Variants in UNKL observed in about 807,000 individuals in gnomAD.
UNKL encodes unk like zinc finger, also known as putative E3 ubiquitin-protein ligase UNKL.
Under a neutral mutation model 78.0 loss-of-function variants are expected in UNKL, and 60 were observed. The ratio of observed to expected loss-of-function variants is 0.77; its 90% CI spans 0.63 to 0.95. The LOEUF (loss-of-function observed/expected upper bound fraction) is 0.95. UNKL is among the 40% of genes least tolerant of loss of function. The pLI, the probability that UNKL is intolerant of heterozygous loss-of-function variation, is 0.00. For missense variants in UNKL, 1,159 were observed against 1,045.7 expected (o/e 1.11, Z -1.49); for synonymous variants, 608 against 474.8 (o/e 1.28, Z -3.65).
intron 12 of UNKL, among the ~76,000 whole-genome samples, chr16:1,369,665 GA>G (rs2035625322): frequency 6.6e-6 from 1 of 152,182 alleles, no homozygotes; most frequent in African/African-American, 2.4e-5. Context: ...CACTGCACCC[GA>G]CCAAGTGTTA....
intron 9 of UNKL, 78 bp from the exon 10 acceptor site, chr16:1,385,463 G>T: frequency 8.0e-7 from 1 of 1,256,544 alleles, no homozygotes; most frequent in Non-Finnish European, 1.0e-6. Context: ...CCTGCAGAAA[G>T]CACCGCGGGA....
In UNKL at chr16:1,414,074, C is replaced by T; in HGVS notation, c.78-19G>A. The T allele has an allele frequency of 6.6e-7, 1 of 1,525,370 alleles. No individual in the cohort carries two copies. The highest frequency in any genetic ancestry group is 8.9e-7 in the Non-Finnish European group (1 of 1,129,186). 94.5% of individuals were successfully genotyped at this position (1,525,370 alleles called of 1,614,324 possible). A position where few individuals can be genotyped will look rare whatever the true frequency, so the allele number is the denominator to read the frequency against. On this transcript the variant is annotated intron_variant, in intron 1 of 14. Transcript: ENST00000389221. ...CAGGTACCTACAAACACAGACAGCG[C>T]CGCGGCTCGCTTCCGGCAGCACCTC... is the stretch of plus-strand genomic sequence containing the variant.
chr16:1,377,337 G>C (rs1349846778), intron 10 of UNKL, among the ~76,000 whole-genome samples: 1 of 151,916 alleles, frequency 6.6e-6, no homozygotes, highest in Non-Finnish European at 1.5e-5. Flanking sequence ...GCAACTTTCA[G>C]GGGACACAAT....
intron 9 of UNKL, 39 bp from the exon 10 acceptor site, chr16:1,385,424 G>C (rs957955770): frequency 2.3e-6 from 3 of 1,292,416 alleles, no homozygotes; most frequent in South Asian, 2.3e-5. Context: ...CGCACCCCCT[G>C]CGTGGAGGAG....
chr16:1,379,811 G>C (rs2036527807), intron 10 of UNKL: 2 of 660,798 alleles, frequency 3.0e-6, no homozygotes, highest in East Asian at 1.4e-4. Flanking sequence ...GGGCGCACCC[G>C]GTCCCCGCGG....
At chr16:1,380,215 C>T (rs1466810054) in intron 10 of UNKL, among the ~76,000 whole-genome samples, 2 of 152,222 alleles carry the variant, frequency 1.3e-5, no homozygotes, top group African/African-American at 4.8e-5. Flanking sequence ...ATACAGAATC[C>T]GCTCATTTCT....
At chr16:1,388,847 C>T (rs568124947) in intron 9 of UNKL, among the ~76,000 whole-genome samples, 1 of 152,316 alleles carries the variant, frequency 6.6e-6, no homozygotes, top group South Asian at 2.1e-4. Context: ...GGGGACAGCA[C>T]ACCCCAAGCT....
At chr16:1,388,990 G>A (rs937804335) in intron 9 of UNKL, among the ~76,000 whole-genome samples, 3 of 152,140 alleles carry the variant, frequency 2.0e-5, no homozygotes. Context: ...AGCCATCACC[G>A]CGTCCACCTC....
chr16:1,380,095 C>A (rs1292649916), intron 10 of UNKL, among the ~76,000 whole-genome samples: 1 of 152,342 alleles, frequency 6.6e-6, no homozygotes, highest in East Asian at 1.9e-4. Context: ...ACGCGGGGTA[C>A]GGAGCTCGCA....
rs2036764031 is a variant in UNKL at position 1,385,253 on chromosome 16, C to T, written c.1219G>A (p.Ala407Thr). The change falls in exon 10 of 15, where the codon GCC becomes ACC. Residue 407 changes from alanine (A) to threonine (T), a missense_variant. Ala to Thr is a moderately conservative substitution (Grantham distance 58). Coordinates refer to ENST00000389221, the MANE Select transcript of UNKL (RefSeq NM_001372107.1). Reference protein sequence around the residue: ...PTALPAPPARALPLGPASSTV... With the variant: ...PTALPAPPARTLPLGPASSTV... ...CTGCTGGCGGGGCCGAGCGGGAGGG[C>T]ACGGGCGGGGGGCGCGGGCAGCGCA... The T allele has an allele frequency of 1.5e-6, 2 of 1,320,418 alleles. No homozygotes were observed. Among genetic ancestry groups the T allele is most frequent in the Non-Finnish European group, 1.9e-6 (2 of 1,038,388 alleles). The allele number at this position is 1,320,418 out of a possible 1,614,324, so 81.8% of individuals were successfully genotyped here.
chr16:1,380,521 G>A (rs371795165), intron 10 of UNKL, among the ~76,000 whole-genome samples: 98 of 152,082 alleles, frequency 6.4e-4, no homozygotes, highest in Middle Eastern at 3.4e-3. Context: ...TCTCAGACAT[G>A]GACAGAGGAA....
intron 2 of UNKL, among the ~76,000 whole-genome samples, chr16:1,411,697 CG>C (rs2038045283): frequency 6.6e-6 from 1 of 151,886 alleles, no homozygotes; most frequent in Non-Finnish European, 1.5e-5. Flanking sequence ...TGGTGGCACG[CG>C]CCTGTAATCC....
intron 10 of UNKL, among the ~76,000 whole-genome samples, chr16:1,380,593 A>AC (rs1166792903): frequency 6.8e-6 from 1 of 146,484 alleles, no homozygotes; most frequent in African/African-American, 2.5e-5. Context: ...CAGCAACAAT[A>AC]CATTGCCTCT....
At position 1,399,649 on chromosome 16, in the gene UNKL, G is replaced by A. The variant is rs1191103609; in HGVS notation, c.599-140C>T. The A allele has an allele frequency of 1.0e-5, 13 of 1,263,382 alleles. No individual in the cohort carries two copies. The highest frequency in any genetic ancestry group is 2.3e-5 in the Admixed American group (1 of 42,596). 78.3% of individuals were successfully genotyped at this position (1,263,382 alleles called of 1,614,324 possible). A position where few individuals can be genotyped will look rare whatever the true frequency, so the allele number is the denominator to read the frequency against. Reference sequence around the variant, plus strand: ...CTTGGGGAGCGCAGACACACGCCACGGCACACGCTGATGTCAAAGGACTCG... The same window carrying A: ...CTTGGGGAGCGCAGACACACGCCACAGCACACGCTGATGTCAAAGGACTCG... On this transcript the variant is annotated intron_variant, in intron 4 of 14. Coordinates refer to ENST00000389221, the MANE Select transcript of UNKL (RefSeq NM_001372107.1). This position sits in a 1 kb window ranked among gnomAD's most constrained non-coding sequence, Gnocchi z 5.8.
At chr16:1,406,844 G>A (rs570928029) in intron 2 of UNKL, among the ~76,000 whole-genome samples, 1 of 152,066 alleles carries the variant, frequency 6.6e-6, no homozygotes, top group Non-Finnish European at 1.5e-5. Flanking sequence ...TTAATAGAAA[G>A]ATCAGACTCC....
intron 10 of UNKL, among the ~76,000 whole-genome samples, chr16:1,372,397 G>A (rs1179344158): frequency 2.0e-5 from 3 of 152,202 alleles, no homozygotes; most frequent in Admixed American, 6.5e-5. Flanking sequence ...GGAAGGACCC[G>A]CCTCAGAGTG....
chr16:1,391,258 AC>A (rs1367856306), intron 8 of UNKL, among the ~76,000 whole-genome samples: 132,778 of 150,364 alleles, frequency 0.88, 58,680 homozygotes, highest in East Asian at 1. Context: ...ACACACACAC[AC>A]ACACACACAC....
chr16:1,388,436 T>C (rs2036908656), intron 9 of UNKL, among the ~76,000 whole-genome samples: 1 of 152,114 alleles, frequency 6.6e-6, no homozygotes, highest in South Asian at 2.1e-4. Context: ...CCCGGAGGCC[T>C]TCCCCAGCCT....
rs1259455287 is a variant in UNKL at position 1,363,827 on chromosome 16, T to C, written c.*2413A>G. On this transcript the variant is annotated 3_prime_UTR_variant, in exon 15 of 15. Coordinates refer to ENST00000389221, the MANE Select transcript of UNKL (RefSeq NM_001372107.1). Reference sequence around the variant, plus strand: ...ACTGCTCACCTGTCCTCAGAGCCAGTACTGATCTAGGGGAGCAGGTGCCAC... The same window carrying C: ...ACTGCTCACCTGTCCTCAGAGCCAGCACTGATCTAGGGGAGCAGGTGCCAC... The C allele has an allele frequency of 6.5e-6, 1 of 154,234 alleles. No individual in the cohort carries two copies. The highest frequency in any genetic ancestry group is 1.4e-5 in the Non-Finnish European group (1 of 69,434). The allele number at this position is 154,234 out of a possible 1,614,324, so 9.6% of individuals were successfully genotyped here.
Sources: allele counts gnomAD v4.1 joint callset (sites outside exome capture counted in the v4.1 genomes callset), GRCh38; gene constraint gnomAD v4.1.1; non-coding constraint Gnocchi (gnomAD v3.1); transcripts MANE v1.5; gene names NCBI Gene and HGNC (gene_info 2026-07-23, HGNC 2026-07-21).